The following SUGP1 variants were observed in gnomAD, a reference collection of about 807,000 sequenced individuals.
SUGP1 encodes the protein SURP and G-patch domain-containing protein 1.
SUGP1 carries 34 observed loss-of-function variants against 76.5 expected under a neutral mutation model. That is an observed-to-expected ratio of 0.44 (90% confidence interval 0.34 to 0.59). The LOEUF (loss-of-function observed/expected upper bound fraction) is 0.59. Among genes scored for constraint, SUGP1 ranks in the 20% least tolerant of loss-of-function variants. The pLI is 0.01. For synonymous variants in SUGP1, 326 were observed against 326.2 expected, an observed-to-expected ratio of 1.00 and a Z score of 0.01; for missense variants, 752 against 851.7, an observed-to-expected ratio of 0.88 and a Z score of 1.46.
At chr19:19,295,475 A>C (rs2061217725) in intron 8 of SUGP1, among the ~76,000 whole-genome samples, 1 of 151,652 alleles carries the variant, frequency 6.6e-6, no homozygotes, top group Non-Finnish European at 1.5e-5. Flanking sequence ...GTGGTGGCAC[A>C]CGCCTGTAGT....
chr19:19,302,891 CT>C (rs946730457), intron 6 of SUGP1, among the ~76,000 whole-genome samples: 3 of 152,142 alleles, frequency 2.0e-5, no homozygotes, highest in Admixed American at 6.6e-5. Context: ...TCCCCTTCCC[CT>C]GAAATTCATC....
At chr19:19,314,332 A>T (rs12459676) in intron 2 of SUGP1, among the ~76,000 whole-genome samples, 29,525 of 151,464 alleles carry the variant, frequency 0.19, 3,153 homozygotes, top group South Asian at 0.35. Context: ...AAAAATAAAT[A>T]AATTAATTAA....
At chr19:19,302,060 CAG>C (rs1051767536) in intron 7 of SUGP1, 9 of 707,594 alleles carry the variant, frequency 1.3e-5, no homozygotes, top group Non-Finnish European at 1.8e-5. Flanking sequence ...GCACCTGCCT[CAG>C]AGACTACCCA....
chr19:19,291,769 T>C (rs933192048), intron 8 of SUGP1, among the ~76,000 whole-genome samples: 1 of 151,252 alleles, frequency 6.6e-6, no homozygotes, highest in Non-Finnish European at 1.5e-5. Context: ...TGGCGGCGCC[T>C]GTAGTCCTAG....
rs775252147 is a variant in SUGP1, at chr19:19,276,702, G to A, written c.1912-28C>T. 177 of 1,614,088 alleles carry A rather than the reference G, an allele frequency of 1.1e-4. No homozygotes were observed. The East Asian group carries it at 3.7e-3, about 34-fold the overall frequency. ...GTGGAAGGCAAAACAGATAACAGGA[G>A]GAGGGGATTAGCACTAAAGACAGCA... On this transcript the variant is annotated intron_variant, in intron 13 of 13. Coordinates refer to ENST00000247001, the MANE Select transcript of SUGP1 (RefSeq NM_172231.4).
At chr19:19,317,519 C>T (rs375412830) in intron 1 of SUGP1, among the ~76,000 whole-genome samples, 1 of 152,128 alleles carries the variant, frequency 6.6e-6, no homozygotes, top group South Asian at 2.1e-4. Context: ...AATGCAAGAT[C>T]CATTGGGTCT....
intron 3 of SUGP1, 47 bp downstream of exon 3, chr19:19,310,050 G>A: frequency 6.7e-7 from 1 of 1,488,160 alleles, no homozygotes; most frequent in South Asian, 1.1e-5. Flanking sequence ...AGCAACCCCA[G>A]GGGGAGATGC....
Position 19,297,313 on chromosome 19 carries a change from T to C in SUGP1, c.919A>G (p.Lys307Glu), listed in dbSNP as rs1490493862. 1 of 1,528,902 alleles carries C rather than the reference T, an allele frequency of 6.5e-7. No individual in the cohort carries two copies. The highest frequency in any genetic ancestry group is 2.3e-5 in the East Asian group (1 of 43,874). 94.7% of individuals were successfully genotyped at this position (1,528,902 alleles called of 1,614,324 possible). A position where few individuals can be genotyped will look rare whatever the true frequency, so the allele number is the denominator to read the frequency against. The change falls in exon 8 of 14, where the codon AAG (lysine) becomes GAG (glutamate). Residue 307 changes from lysine (K) to glutamate (E), a missense_variant. Around this residue, in one of 2 missense-constraint regions of SUGP1, gnomAD observed 620 missense variants for 617.3 expected, o/e 1.00. Transcript: ENST00000247001. The part of the protein sequence containing the change: ...FLYEPNSQGY[K>E]YYRQKLEEFR... ...TCCTCCAGCTTCTGTCGGTAGTACT[T>C]GTACCCTTGGCTATTGGGCTCATAC...
rs562150903 is a variant in SUGP1 at position 19,276,177 on chromosome 19, G to C, written c.*471C>G. 6.3e-6 allele frequency: 1 copy of C among 159,300 alleles called. No individual in the cohort carries two copies. The highest frequency in any genetic ancestry group is 1.4e-5 in the Non-Finnish European group (1 of 72,058). 9.9% of individuals were successfully genotyped at this position (159,300 alleles called of 1,614,324 possible). ...AGCCATTCTCCTGCCTCTGCCTCCC[G>C]AGTAGCTGAGACGACAGGTGTGCAC... is the stretch of plus-strand genomic sequence containing the variant. On this transcript the variant is annotated 3_prime_UTR_variant, in exon 14 of 14. Coordinates refer to ENST00000247001, the MANE Select transcript of SUGP1 (RefSeq NM_172231.4).
Position 19,311,781 on chromosome 19 carries a change from G to T in SUGP1, c.207-1581C>A, listed in dbSNP as rs116996041. On this transcript the variant is annotated intron_variant, in intron 2 of 13. Transcript: ENST00000247001. ...TATGATGCCCAAAGAAATGCTTGCA[G>T]ATCCCAGCTCTGAGCTGCAGGCCCA... Among the ~76,000 whole-genome samples, 660 of 145,870 alleles carry T rather than the reference G, an allele frequency of 4.5e-3. 3 individuals are homozygous for T. Among genetic ancestry groups the T allele is most frequent in the South Asian group, 0.032 (146 of 4,502 alleles).
chr19:19,287,418 C>G (rs1482004260), intron 8 of SUGP1, among the ~76,000 whole-genome samples: 1 of 151,848 alleles, frequency 6.6e-6, no homozygotes, highest in African/African-American at 2.4e-5. Flanking sequence ...AAAAATTAGC[C>G]GGGCATGGTG....
intron 12 of SUGP1, among the ~76,000 whole-genome samples, 174 bp from the exon 13 acceptor site, chr19:19,277,250 G>GTT (rs1568615838): frequency 1.1e-4 from 16 of 141,292 alleles, no homozygotes; most frequent in Non-Finnish European, 1.7e-4. Context: ...CCCGGGGCGG[G>GTT]CGGGGGGGGG....
chr19:19,277,662 G>T, intron 12 of SUGP1, 72 bp downstream of exon 12: 1 of 1,563,930 alleles, frequency 6.4e-7, no homozygotes. Flanking sequence ...TAAAGGGGTG[G>T]GAATGGGGAG....
chr19:19,297,400 A>ATTCTGGGAAGGAGCAGTTCTGGCC, intron 7 of SUGP1, 56 bp from the exon 8 acceptor site: 2 of 1,349,532 alleles, frequency 1.5e-6, no homozygotes, highest in Non-Finnish European at 2.0e-6. Flanking sequence ...CCTGTCCCTG[A>ATTCTGGGAAGGAGCAGTTCTGGCC]TTCTGGGCAG....
chr19:19,277,266 T>G (rs2061059671), intron 12 of SUGP1, among the ~76,000 whole-genome samples, 190 bp from the exon 13 acceptor site: 1 of 138,028 alleles, frequency 7.2e-6, no homozygotes, highest in Non-Finnish European at 1.6e-5. Context: ...GGGGGGGGCC[T>G]AGGCCCCAGG....
At chr19:19,310,396 C>T (rs947752138) in intron 2 of SUGP1, among the ~76,000 whole-genome samples, 196 bp from the exon 3 acceptor site, 1 of 152,216 alleles carries the variant, frequency 6.6e-6, no homozygotes, top group Non-Finnish European at 1.5e-5. Context: ...CAGCAGGCTT[C>T]AGTACGGTAA....
intron 2 of SUGP1, among the ~76,000 whole-genome samples, chr19:19,313,001 A>T (rs182056203): frequency 6.6e-6 from 1 of 151,652 alleles, no homozygotes; most frequent in Admixed American, 6.6e-5. Flanking sequence ...AAAAAAAAAT[A>T]AATAAATAAA....
At chr19:19,301,788 A>C (rs377745683) in intron 7 of SUGP1, 1 of 157,288 alleles carries the variant, frequency 6.4e-6, no homozygotes, top group Admixed American at 6.1e-5. Context: ...TCACACACCC[A>C]CCCTTCTGTG....
intron 13 of SUGP1, 79 bp downstream of exon 13, chr19:19,276,868 G>A: frequency 1.9e-6 from 3 of 1,585,684 alleles, no homozygotes; most frequent in Non-Finnish European, 1.7e-6. Context: ...GCTGGACTGA[G>A]GAAGGAAGGG....
Sources: allele counts gnomAD v4.1 joint callset (sites outside exome capture counted in the v4.1 genomes callset), GRCh38; gene constraint gnomAD v4.1.1; regional missense constraint gnomAD v4.1.1; transcripts MANE v1.5; gene names NCBI Gene and HGNC (gene_info 2026-07-23, HGNC 2026-07-21).